Variants in SLC30A10 observed in about 807,000 individuals in gnomAD.
SLC30A10 encodes calcium/manganese antiporter SLC30A10.
In SLC30A10, 8 loss-of-function variants were observed where a neutral mutation model predicts 21.7. The observed-to-expected ratio is 0.37, with a 90% confidence interval of 0.22 to 0.67. The LOEUF is 0.67. Among genes scored for constraint, SLC30A10 ranks in the 30% least tolerant of loss-of-function variants. The probability of loss-of-function intolerance (pLI) is 0.58; values close to 1 mark genes in which losing one functional copy is unlikely to be tolerated. For synonymous variants in SLC30A10, 272 were observed against 279.4 expected (o/e 0.97, Z 0.26); for missense variants, 521 against 642.5 (o/e 0.81, Z 2.04).
intron 2 of SLC30A10, among the ~76,000 whole-genome samples, chr1:219,920,205 T>C (rs12027028): frequency 2.0e-5 from 3 of 152,326 alleles, no homozygotes; most frequent in East Asian, 1.9e-4. Flanking sequence ...CATTTTCTAA[T>C]GCTGTGCTCC....
chr1:219,917,373 T>C (rs1039420499), intron 3 of SLC30A10, among the ~76,000 whole-genome samples: 8 of 152,128 alleles, frequency 5.3e-5, no homozygotes, highest in Admixed American at 1.3e-4. Flanking sequence ...TCTTTGTATA[T>C]GTTTATCTTA....
chr1:219,923,003 G>C (rs1456287479), intron 2 of SLC30A10, among the ~76,000 whole-genome samples: 1 of 152,194 alleles, frequency 6.6e-6, no homozygotes, highest in Non-Finnish European at 1.5e-5. Flanking sequence ...ATTAAATGTT[G>C]ATGGGTATGC....
intron 1 of SLC30A10, among the ~76,000 whole-genome samples, chr1:219,940,837 T>C (rs115362778): frequency 6.0e-4 from 91 of 152,296 alleles, no homozygotes; most frequent in African/African-American, 2.2e-3. Context: ...AATTGGAAAA[T>C]GCCTTTCAAG....
intron 1 of SLC30A10, among the ~76,000 whole-genome samples, chr1:219,954,378 T>G (rs757559843): frequency 5.3e-5 from 8 of 151,568 alleles, no homozygotes; most frequent in Non-Finnish European, 1.0e-4. Flanking sequence ...CAAGCACAAT[T>G]TGGAATCAAA....
At chr1:219,946,956 T>C (rs1660193157) in intron 1 of SLC30A10, among the ~76,000 whole-genome samples, 1 of 152,208 alleles carries the variant, frequency 6.6e-6, no homozygotes, top group South Asian at 2.1e-4. Flanking sequence ...CTCAACTGGC[T>C]CTGGTCAGCA....
chr1:219,940,892 T>G (rs747297665), intron 1 of SLC30A10, among the ~76,000 whole-genome samples: 2 of 152,208 alleles, frequency 1.3e-5, no homozygotes. Flanking sequence ...CAGATTTGTT[T>G]GGACAACTGT....
In SLC30A10 at chr1:219,910,867, C is replaced by G. The variant is rs1031440896; in HGVS notation, c.*4582G>C. Among the ~76,000 whole-genome samples the G allele has an allele frequency of 2.6e-5, 4 of 152,106 alleles. No individual in the cohort carries two copies. The highest frequency in any genetic ancestry group is 6.6e-5 in the Admixed American group (1 of 15,254). ...AATAAAACACATGAAAAGAGAAGCA[C>G]CAGAAAATGACTCGTCTGCATTATC... On this transcript the variant is annotated 3_prime_UTR_variant, in exon 4 of 4. Coordinates refer to ENST00000366926, the MANE Select transcript of SLC30A10 (RefSeq NM_018713.3).
At chr1:219,916,552 G>A (rs1659549606) in intron 3 of SLC30A10, among the ~76,000 whole-genome samples, 1 of 152,168 alleles carries the variant, frequency 6.6e-6, no homozygotes, top group South Asian at 2.1e-4. Context: ...CTGTGTGTAT[G>A]GTATGATCTT....
Position 219,927,678 on chromosome 1 carries a change from CA to C in SLC30A10, c.640+122del, listed in dbSNP as rs111682715. 6,138 of 317,190 alleles carry C rather than the reference CA, an allele frequency of 0.019. 202 individuals are homozygous for C. The highest frequency in any genetic ancestry group is 0.15 in the African/African-American group (2,928 of 19,098). The allele number at this position is 317,190 out of a possible 1,614,324, so 19.6% of individuals were successfully genotyped here. A position where few individuals can be genotyped will look rare whatever the true frequency, so the allele number is the denominator to read the frequency against. On this transcript the variant is annotated intron_variant, in intron 1 of 3. Transcript: ENST00000366926. ...AAAAAAAAAAAAAAAACAACAACAA[CA>C]AAAAAAAAAAAACAGAAAAAAAGCA...
At chr1:219,948,313 A>G (rs1193565308) in intron 1 of SLC30A10, among the ~76,000 whole-genome samples, 1 of 151,702 alleles carries the variant, frequency 6.6e-6, no homozygotes, top group South Asian at 2.1e-4. Flanking sequence ...AGTCAATCCT[A>G]AGCCAAAAGA....
At chr1:219,940,758 A>G (rs1660109083) in intron 1 of SLC30A10, among the ~76,000 whole-genome samples, 1 of 152,234 alleles carries the variant, frequency 6.6e-6, no homozygotes, top group Non-Finnish European at 1.5e-5. Context: ...AGGAAGGCCG[A>G]GACTTACTGA....
At position 219,913,790 on chromosome 1, in the gene SLC30A10, G is replaced by A. The variant is rs991802404; in HGVS notation, c.*1659C>T. On this transcript the variant is annotated 3_prime_UTR_variant, in exon 4 of 4. Coordinates refer to ENST00000366926, the MANE Select transcript of SLC30A10 (RefSeq NM_018713.3). ...AGATAATACATTTTCAAGGAATAAA[G>A]AATTTCCTGGCCAGGTGCAGTGGCT... The A allele has an allele frequency of 1.3e-5, 2 of 152,106 alleles. No homozygotes were observed. The highest frequency in any genetic ancestry group is 2.9e-5 in the Non-Finnish European group (2 of 68,020). The allele number at this position is 152,106 out of a possible 1,614,324, so 9.4% of individuals were successfully genotyped here.
chr1:219,939,637 C>A (rs1660092470), intron 1 of SLC30A10, among the ~76,000 whole-genome samples: 1 of 152,136 alleles, frequency 6.6e-6, no homozygotes, highest in Non-Finnish European at 1.5e-5. Context: ...ACCATCTTGG[C>A]CAGGCTGGTC....
chr1:219,922,391 A>G (rs562611114), intron 2 of SLC30A10, among the ~76,000 whole-genome samples: 16 of 151,856 alleles, frequency 1.1e-4, no homozygotes, highest in African/African-American at 3.9e-4. Flanking sequence ...CATCTCAGGA[A>G]AGTCTTGTTG....
chr1:219,931,923 T>C (rs1253126989), upstream of SLC30A10, among the ~76,000 whole-genome samples: 3 of 152,156 alleles, frequency 2.0e-5, no homozygotes, highest in Non-Finnish European at 4.4e-5. Context: ...AAGTACTATT[T>C]TATAGGATAG....
At chr1:219,938,228 A>T (rs1381522835) in intron 1 of SLC30A10, among the ~76,000 whole-genome samples, 1 of 152,060 alleles carries the variant, frequency 6.6e-6, no homozygotes, top group Non-Finnish European at 1.5e-5. Flanking sequence ...AGGATAAGTC[A>T]CTCTGGAGAT....
intron 1 of SLC30A10, among the ~76,000 whole-genome samples, chr1:219,944,525 A>G (rs1660163835): frequency 6.6e-6 from 1 of 152,242 alleles, no homozygotes; most frequent in Non-Finnish European, 1.5e-5. Context: ...CAGAGGAAAG[A>G]AAGTATTTTA....
chr1:219,917,874 C>T (rs1039345134), intron 3 of SLC30A10, among the ~76,000 whole-genome samples: 2 of 151,994 alleles, frequency 1.3e-5, no homozygotes, highest in African/African-American at 4.8e-5. Context: ...CCACGCCTGG[C>T]TAATTTTTTT....
chr1:219,916,563 T>C (rs1054848504), intron 3 of SLC30A10, among the ~76,000 whole-genome samples: 2 of 152,254 alleles, frequency 1.3e-5, no homozygotes, highest in African/African-American at 4.8e-5. Context: ...GTATGATCTT[T>C]CTTTTTACAC....
Sources: allele counts gnomAD v4.1 joint callset (sites outside exome capture counted in the v4.1 genomes callset), GRCh38; gene constraint gnomAD v4.1.1; transcripts MANE v1.5; gene names NCBI Gene and HGNC (gene_info 2026-07-23, HGNC 2026-07-21).